TUBGCP3: variants seen among roughly 807,000 people sequenced by gnomAD.
The protein encoded by TUBGCP3 is gamma-tubulin complex component 3.
A neutral mutation model predicts 123.1 loss-of-function variants in TUBGCP3; 50 were observed. The observed-to-expected ratio is 0.41, with a 90% CI of 0.32 to 0.51. The LOEUF (loss-of-function observed/expected upper bound fraction) is 0.51. Ranked by LOEUF, TUBGCP3 falls within the 20% of genes least tolerant of loss-of-function variation. TUBGCP3 has a pLI of 0.36. For missense variants in TUBGCP3, 882 were observed against 1,127.0 expected, an observed-to-expected ratio of 0.78 and a Z score of 3.11; for synonymous variants, 405 against 413.9, an observed-to-expected ratio of 0.98 and a Z score of 0.26.
intron 17 of TUBGCP3, among the ~76,000 whole-genome samples, chr13:112,509,872 A>G (rs936218303): frequency 2.6e-5 from 4 of 152,224 alleles, no homozygotes; most frequent in Non-Finnish European, 5.9e-5. Context: ...ACAAGGCACA[A>G]TTAGTCCTTT....
At chr13:112,589,010 T>C (rs987672939), upstream of TUBGCP3, among the ~76,000 whole-genome samples, 2 of 152,230 alleles carry the variant, frequency 1.3e-5, no homozygotes, top group African/African-American at 4.8e-5. Context: ...AAAGCAGACT[T>C]GTAGGGTATT....
At chr13:112,587,079 G>A (rs1882659286) in intron 1 of TUBGCP3, among the ~76,000 whole-genome samples, 1 of 152,142 alleles carries the variant, frequency 6.6e-6, no homozygotes, top group Non-Finnish European at 1.5e-5. Context: ...TGGTGCTTAA[G>A]ATGTAACTCA....
chr13:112,497,411 A>C (rs1463078143), intron 20 of TUBGCP3, among the ~76,000 whole-genome samples: 2 of 152,230 alleles, frequency 1.3e-5, no homozygotes, highest in Admixed American at 6.5e-5. Flanking sequence ...ATGTTTCCAA[A>C]AAATACCAAA....
intron 19 of TUBGCP3, 141 bp from the exon 20 acceptor site, chr13:112,499,326 T>G: frequency 2.7e-6 from 3 of 1,119,434 alleles, no homozygotes; most frequent in Non-Finnish European, 3.7e-6. Context: ...GTTCATTCAT[T>G]CCCTCACCAC....
intron 13 of TUBGCP3, among the ~76,000 whole-genome samples, chr13:112,523,902 G>A (rs1012882387): frequency 2.6e-5 from 4 of 152,126 alleles, no homozygotes; most frequent in Non-Finnish European, 5.9e-5. Flanking sequence ...ATTACTAGGA[G>A]TCTTTTAGGA....
intron 8 of TUBGCP3, among the ~76,000 whole-genome samples, chr13:112,550,850 T>G (rs568059247): frequency 5.1e-4 from 78 of 152,250 alleles, no homozygotes; most frequent in East Asian, 9.7e-4. Flanking sequence ...TGTAATCTCA[T>G]CACTTTGGGA....
intron 10 of TUBGCP3, chr13:112,547,268 GAA>G: frequency 2.5e-6 from 1 of 398,332 alleles, no homozygotes; most frequent in Non-Finnish European, 4.4e-6. Context: ...ACACAAGAGA[GAA>G]ATCTTTAAAC....
In TUBGCP3 at chr13:112,554,138, A is replaced by C; in HGVS notation, c.885T>G (p.Ser295=). ...TTTTATTATGCAACCATCCCAACTCAGAAAGCCTGACTGCTGTGTCTCTCA... is the reference window on the plus strand; with the variant it reads ...TTTTATTATGCAACCATCCCAACTCCGAAAGCCTGACTGCTGTGTCTCTCA... The part of the protein sequence containing the change: ...RSLRDTAVRL[S]ELGWLHNKIR... Residue 295 remains serine (S), a synonymous_variant, in exon 8 of 22, where the codon TCT becomes TCG. Transcript: ENST00000261965. 1 of 1,614,208 alleles carries C rather than the reference A, an allele frequency of 6.2e-7. No homozygotes were observed. The highest frequency in any genetic ancestry group is 8.5e-7 in the Non-Finnish European group (1 of 1,180,034).
intron 1 of TUBGCP3, among the ~76,000 whole-genome samples, chr13:112,579,862 G>A (rs1007335972): frequency 6.6e-6 from 1 of 152,200 alleles, no homozygotes; most frequent in African/African-American, 2.4e-5. Flanking sequence ...ACTAACTTAA[G>A]TTCACATAAA....
At chr13:112,494,456 A>C (rs1215044205) in intron 20 of TUBGCP3, among the ~76,000 whole-genome samples, 1 of 152,250 alleles carries the variant, frequency 6.6e-6, no homozygotes, top group African/African-American at 2.4e-5. Context: ...GTTTAAAATT[A>C]GCCAGTGCTG....
the TUBGCP3 span, among the ~76,000 whole-genome samples, chr13:112,594,980 T>G: frequency 6.6e-6 from 1 of 152,196 alleles, no homozygotes; most frequent in Admixed American, 6.5e-5. Context: ...TGGTATATCT[T>G]TTTATATGTT....
chr13:112,550,304 C>T, intron 8 of TUBGCP3, among the ~76,000 whole-genome samples: 1 of 152,202 alleles, frequency 6.6e-6, no homozygotes, highest in Non-Finnish European at 1.5e-5. Context: ...AGGTTGCATA[C>T]CTTTCTGTAT....
At position 112,545,568 on chromosome 13, in the gene TUBGCP3, T is replaced by C. The variant is rs1182527108; in HGVS notation, c.1335+131A>G. 3.0e-6 allele frequency: 3 copies of C among 1,000,660 alleles called. No homozygotes were observed. Among genetic ancestry groups the C allele is most frequent in the East Asian group, 2.4e-5 (1 of 41,186 alleles). The allele number at this position is 1,000,660 out of a possible 1,614,324, so 62.0% of individuals were successfully genotyped here. A position where few individuals can be genotyped will look rare whatever the true frequency, so the allele number is the denominator to read the frequency against. ...GTCGAGGCACTGTGTAAAATGTATA[T>C]GGTATTCAATGGAAGTGCAGTTGCA... On this transcript the variant is annotated intron_variant, in intron 11 of 21. Coordinates refer to ENST00000261965, the MANE Select transcript of TUBGCP3 (RefSeq NM_006322.6). This position sits in a 1 kb window ranked among gnomAD's most constrained non-coding sequence, Gnocchi z 4.1.
the TUBGCP3 span, among the ~76,000 whole-genome samples, chr13:112,598,812 C>T: frequency 3.3e-5 from 5 of 151,840 alleles, no homozygotes; most frequent in African/African-American, 1.2e-4. Context: ...GGCATCGTGG[C>T]GCACGCCTGT....
chr13:112,603,725 C>CA, the TUBGCP3 span: 1,339 of 149,146 alleles, frequency 9.0e-3, 17 homozygotes, highest in African/African-American at 0.031. Context: ...AACTCCATCT[C>CA]AAAAAAAAAA....
intron 1 of TUBGCP3, among the ~76,000 whole-genome samples, chr13:112,577,830 G>A (rs1881946934): frequency 6.6e-6 from 1 of 152,102 alleles, no homozygotes; most frequent in Admixed American, 6.5e-5. Flanking sequence ...GGGGAGCCAT[G>A]GCATCAATAT....
In TUBGCP3 at chr13:112,558,386, G is replaced by T; in HGVS notation, c.358C>A (p.Gln120Lys). The T allele has an allele frequency of 6.3e-7, 1 of 1,588,584 alleles. No individual in the cohort carries two copies. Among genetic ancestry groups the T allele is most frequent in the South Asian group, 1.1e-5 (1 of 89,932 alleles). Residue 120 changes from glutamine (Q) to lysine (K), a missense_variant, in exon 5 of 22, where the codon CAG becomes AAG. Gln to Lys is a moderately conservative substitution (Grantham distance 53). This residue lies in a region of TUBGCP3 where 713 missense variants were observed against 874.0 expected (regional missense o/e 0.82). Transcript: ENST00000261965. ...KVSSYATLFA[Q>K]ALPRDAHSTP... ...GAGTGGGCATCTCTTGGTAAGGCCT[G>T]AGCAAATAACGTAGCATAGCTAGAA...
rs1880314611 is a variant in TUBGCP3, at chr13:112,559,388, T to C, written c.264A>G (p.Lys88=). Residue 88 remains lysine, a synonymous_variant, in exon 4 of 22, where the codon AAA becomes AAG. Coordinates refer to ENST00000261965, the MANE Select transcript of TUBGCP3 (RefSeq NM_006322.6). ...AGAGGTAGAGTATTGACCATTTATT[T>C]TTCAAAACTCCCTGTTTGGAAAAAA... is the stretch of plus-strand genomic sequence containing the variant. ...HRKLHSQGVL[K]NKWSILYLLL... The C allele has an allele frequency of 5.0e-6, 8 of 1,598,844 alleles. No individual in the cohort carries two copies. Among genetic ancestry groups the C allele is most frequent in the Middle Eastern group, 1.7e-4 (1 of 5,838 alleles).
the TUBGCP3 span, among the ~76,000 whole-genome samples, chr13:112,601,071 C>A: frequency 2.0e-5 from 3 of 151,582 alleles, no homozygotes; most frequent in African/African-American, 7.3e-5. Flanking sequence ...GCCTGTAATC[C>A]CAGCTACTAA....
Sources: gnomAD v4.1 joint callset for allele counts (sites outside exome capture counted in the v4.1 genomes callset) on GRCh38, gnomAD v4.1.1 for gene constraint, gnomAD v4.1.1 regional missense constraint, Gnocchi (gnomAD v3.1) non-coding constraint, MANE v1.5 for transcripts, NCBI Gene and HGNC (gene_info 2026-07-23, HGNC 2026-07-21) for gene names.